ZZEF1: variants seen among roughly 807,000 people sequenced by gnomAD.
ZZEF1 encodes zinc finger ZZ-type and EF-hand domain containing 1.
ZZEF1 carries 157 observed loss-of-function variants against 342.8 expected under a neutral mutation model. That is an observed-to-expected ratio of 0.46 (90% confidence interval 0.40 to 0.52). The LOEUF is 0.52. Ranked by LOEUF, ZZEF1 falls within the 20% of genes least tolerant of loss-of-function variation. The probability of loss-of-function intolerance (pLI) is 0.00; values close to 1 mark genes in which losing one functional copy is unlikely to be tolerated. For synonymous variants in ZZEF1, 1,505 were observed against 1,429.1 expected (o/e 1.05, Z -1.20); for missense variants, 3,480 against 3,725.6 (o/e 0.93, Z 1.72).
chr17:4,066,322 T>C, intron 28 of ZZEF1, 125 bp downstream of exon 28: 1 of 775,638 alleles, frequency 1.3e-6, no homozygotes. Flanking sequence ...ATTTAGCATC[T>C]GTGTTACTTT....
chr17:4,052,876 G>GA (rs2057080182), intron 34 of ZZEF1, among the ~76,000 whole-genome samples: 1 of 150,328 alleles, frequency 6.7e-6, no homozygotes, highest in African/African-American at 2.5e-5. Flanking sequence ...CGGGAGGGCG[G>GA]CGGGGGAGAA....
intron 39 of ZZEF1, among the ~76,000 whole-genome samples, chr17:4,041,422 TAAAA>T (rs796732383): frequency 6.9e-6 from 1 of 144,208 alleles, no homozygotes; most frequent in South Asian, 2.2e-4. Flanking sequence ...GGCAAACTGC[TAAAA>T]AAAAAAAGTC....
chr17:4,112,586 C>T (rs1447444364), intron 5 of ZZEF1, 23 bp downstream of exon 5: 1 of 1,612,982 alleles, frequency 6.2e-7, no homozygotes, highest in Non-Finnish European at 8.5e-7. Flanking sequence ...TTTTCCCTAT[C>T]CCCTCAGTTC....
Position 4,058,140 on chromosome 17 carries a change from G to C in ZZEF1, c.5019C>G (p.Ala1673=), listed in dbSNP as rs2057206529. Residue 1673 remains alanine (A), a synonymous_variant, in exon 32 of 55, where the codon GCC becomes GCG. Transcript: ENST00000381638. ...GCAGGGCTGTCTGAACACAGGATAA[G>C]GCAGGGAGCAAGGACCTAAAGGGCC... ...SSLNDRSLLP[A]LSCVQTALLH... is the part of the protein sequence containing the mutation. 1 of 1,613,416 alleles carries C rather than the reference G, an allele frequency of 6.2e-7. No homozygotes were observed. Among genetic ancestry groups the C allele is most frequent in the African/African-American group, 1.3e-5 (1 of 74,912 alleles).
At chr17:4,038,102 T>A (rs2603029) in intron 39 of ZZEF1, among the ~76,000 whole-genome samples, 4 of 152,124 alleles carry the variant, frequency 2.6e-5, no homozygotes, top group African/African-American at 9.7e-5. Flanking sequence ...CTTTCAGGCA[T>A]AAAATTATTT....
At chr17:4,107,376 G>A (rs1418285596) in intron 6 of ZZEF1, among the ~76,000 whole-genome samples, 1 of 152,092 alleles carries the variant, frequency 6.6e-6, no homozygotes, top group Admixed American at 6.5e-5. Context: ...GTGCAGTGCA[G>A]ACATTTGTAT....
chr17:4,028,146 A>G (rs1466599382), intron 42 of ZZEF1, among the ~76,000 whole-genome samples: 1 of 152,184 alleles, frequency 6.6e-6, no homozygotes, highest in Admixed American at 6.5e-5. Context: ...ACCATTTCAC[A>G]TATAGTGTCA....
intron 8 of ZZEF1, among the ~76,000 whole-genome samples, chr17:4,103,644 G>A (rs1047235746): frequency 6.6e-6 from 1 of 152,216 alleles, no homozygotes; most frequent in East Asian, 1.9e-4. Context: ...GAAGCCAGGT[G>A]TGGTGGCTCA....
At chr17:4,101,667 C>T (rs2145435138) in intron 9 of ZZEF1, among the ~76,000 whole-genome samples, 1 of 152,172 alleles carries the variant, frequency 6.6e-6, no homozygotes, top group South Asian at 2.1e-4. Flanking sequence ...CGCTCTGTCA[C>T]CCAGGCTGGA....
At chr17:4,029,804 G>A (rs2056498382) in intron 42 of ZZEF1, among the ~76,000 whole-genome samples, 1 of 151,288 alleles carries the variant, frequency 6.6e-6, no homozygotes, top group South Asian at 2.1e-4. Context: ...AACCCAGGAG[G>A]TGGAGGTTGC....
chr17:4,017,597 T>A lies in ZZEF1; in HGVS notation c.7775A>T (p.His2592Leu). 6.2e-7 allele frequency: 1 copy of A among 1,614,256 alleles called. No homozygotes were observed. Among genetic ancestry groups the A allele is most frequent in the Non-Finnish European group, 8.5e-7 (1 of 1,180,046 alleles). ...QRRSKSAALL[H>L]KELNCKSKRA... ...CTTACTCTTGCAGTTCAGCTCCTTGTGCAGGAGGGCGGCGCTCTTGCTACG... is the reference window on the plus strand; with the variant it reads ...CTTACTCTTGCAGTTCAGCTCCTTGAGCAGGAGGGCGGCGCTCTTGCTACG... The change falls in exon 48 of 55, where the codon CAC becomes CTC. Residue 2592 changes from histidine to leucine, a missense_variant. By Grantham distance (99) the His-to-Leu change is moderately conservative. This residue lies in a region of ZZEF1 where 1,269 missense variants were observed against 1,342.4 expected (regional missense o/e 0.95). Transcript: ENST00000381638. This position sits in a 1 kb window ranked among gnomAD's most constrained non-coding sequence, Gnocchi z 5.1.
chr17:4,123,477 G>C (rs1044793272), intron 2 of ZZEF1, among the ~76,000 whole-genome samples: 40 of 151,710 alleles, frequency 2.6e-4, no homozygotes, highest in African/African-American at 9.7e-4. Flanking sequence ...GCAAATGTGA[G>C]GACAGAGCAG....
At chr17:4,090,914 G>A (rs1402213442) in intron 11 of ZZEF1, 84 bp from the exon 12 acceptor site, 1 of 1,020,436 alleles carries the variant, frequency 9.8e-7, no homozygotes, top group Admixed American at 1.9e-5. Flanking sequence ...TAAGTGACAT[G>A]TAACTTGTAT....
intron 39 of ZZEF1, among the ~76,000 whole-genome samples, chr17:4,035,648 A>G (rs2056644085): frequency 1.3e-5 from 2 of 152,188 alleles, no homozygotes. Flanking sequence ...GTCCGAACCT[A>G]AGTGGAGAGG....
At chr17:4,118,958 G>A (rs1203804377) in intron 2 of ZZEF1, among the ~76,000 whole-genome samples, 1 of 152,204 alleles carries the variant, frequency 6.6e-6, no homozygotes, top group Non-Finnish European at 1.5e-5. Context: ...ATATCTTGTG[G>A]AAGGGAAAGT....
intron 54 of ZZEF1, among the ~76,000 whole-genome samples, chr17:4,007,373 C>T (rs1391455562): frequency 6.6e-6 from 1 of 152,180 alleles, no homozygotes; most frequent in Non-Finnish European, 1.5e-5. Flanking sequence ...GCCCTGGAGG[C>T]GAGGCCAGGC....
chr17:4,014,573 A>G lies in ZZEF1; in HGVS notation c.8146-58T>C. On this transcript the variant is annotated intron_variant, in intron 49 of 54. Coordinates refer to ENST00000381638, the MANE Select transcript of ZZEF1 (RefSeq NM_015113.4). This position sits in a 1 kb window ranked among gnomAD's most constrained non-coding sequence, Gnocchi z 4.4. Reference sequence around the variant, plus strand: ...ATGCTGCTCACTAGACACTGACTGCAGCTGTCCCATGCCGAGTCCTGTGGC... The same window carrying G: ...ATGCTGCTCACTAGACACTGACTGCGGCTGTCCCATGCCGAGTCCTGTGGC... 1.9e-6 allele frequency: 3 copies of G among 1,582,862 alleles called. No homozygotes were observed.
intron 33 of ZZEF1, 91 bp downstream of exon 33, chr17:4,056,125 A>G (rs2057153904): frequency 1.5e-6 from 2 of 1,335,070 alleles, no homozygotes; most frequent in Non-Finnish European, 2.0e-6. Context: ...CAGCCCTCTC[A>G]GGTAAGAGCC....
At chr17:4,108,533 T>C (rs2058247810) in intron 6 of ZZEF1, among the ~76,000 whole-genome samples, 1 of 152,198 alleles carries the variant, frequency 6.6e-6, no homozygotes, top group Non-Finnish European at 1.5e-5. Context: ...GGGGCGTGAC[T>C]GGGGCAACGT....
Sources: gnomAD v4.1 joint callset for allele counts (sites outside exome capture counted in the v4.1 genomes callset) on GRCh38, gnomAD v4.1.1 for gene constraint, gnomAD v4.1.1 regional missense constraint, Gnocchi (gnomAD v3.1) non-coding constraint, MANE v1.5 for transcripts, NCBI Gene and HGNC (gene_info 2026-07-23, HGNC 2026-07-21) for gene names.